GSK3B: variants seen among roughly 807,000 people sequenced by gnomAD.
GSK3B encodes glycogen synthase kinase-3 beta.
GSK3B carries 15 observed loss-of-function variants against 56.4 expected under a neutral mutation model. The observed-to-expected ratio is 0.27, with a 90% CI of 0.18 to 0.41. GSK3B has a LOEUF of 0.41. GSK3B is among the 10% of genes least tolerant of loss of function. GSK3B has a pLI of 1.00. For missense variants in GSK3B, 300 were observed against 513.4 expected, an observed-to-expected ratio of 0.58 and a Z score of 4.02; for synonymous variants, 181 against 188.9, an observed-to-expected ratio of 0.96 and a Z score of 0.34.
intron 8 of GSK3B, among the ~76,000 whole-genome samples, chr3:119,869,148 C>T (rs546296968): frequency 1.2e-4 from 14 of 118,664 alleles, no homozygotes; most frequent in Admixed American, 7.7e-4. Context: ...TGCTTGAACC[C>T]GGGAGGTGGA....
chr3:120,028,831 A>G, intron 1 of GSK3B: 1 of 443,750 alleles, frequency 2.3e-6, no homozygotes, highest in Non-Finnish European at 4.3e-6. Flanking sequence ...GAACTCACTG[A>G]GGCCCTAGCC....
chr3:119,955,991 A>G (rs1271961066), intron 2 of GSK3B, among the ~76,000 whole-genome samples: 1 of 152,108 alleles, frequency 6.6e-6, no homozygotes, highest in African/African-American at 2.4e-5. Flanking sequence ...TTTTAGGAAG[A>G]TTGCTATGAA....
intron 9 of GSK3B, among the ~76,000 whole-genome samples, chr3:119,852,748 C>T (rs368038718): frequency 5.9e-5 from 9 of 152,134 alleles, no homozygotes; most frequent in African/African-American, 2.2e-4. Context: ...AATAATACTG[C>T]TCTTCACCCA....
At chr3:120,033,268 T>C (rs1304004739) in intron 1 of GSK3B, among the ~76,000 whole-genome samples, 2 of 152,220 alleles carry the variant, frequency 1.3e-5, no homozygotes, top group African/African-American at 4.8e-5. Flanking sequence ...TTTGGGTTGT[T>C]TTTCTACTTT....
rs932475476 is a variant in GSK3B at position 120,094,300 on chromosome 3, C to T, written c.-866G>A. The T allele has an allele frequency of 1.7e-5, 4 of 241,564 alleles. No individual in the cohort carries two copies. Among genetic ancestry groups the T allele is most frequent in the African/African-American group, 4.5e-5 (2 of 44,726 alleles). The allele number at this position is 241,564 out of a possible 1,614,324, so 15.0% of individuals were successfully genotyped here. A position where few individuals can be genotyped will look rare whatever the true frequency, so the allele number is the denominator to read the frequency against. On this transcript the variant is annotated 5_prime_UTR_variant, in exon 1 of 11. Coordinates refer to ENST00000264235, the MANE Select transcript of GSK3B (RefSeq NM_001146156.2). Reference sequence around the variant, plus strand: ...GCTCGGTGCCCGCTCAGGAAGTGTCCGCGCTTTGCCCCAGCCCAGAGCCCT... The same window carrying T: ...GCTCGGTGCCCGCTCAGGAAGTGTCTGCGCTTTGCCCCAGCCCAGAGCCCT...
intron 2 of GSK3B, among the ~76,000 whole-genome samples, chr3:119,971,734 C>T (rs2107516037): frequency 6.8e-6 from 1 of 147,574 alleles, no homozygotes; most frequent in East Asian, 2.0e-4. Flanking sequence ...GCCTCAGCCT[C>T]CCAAGTAGCT....
At chr3:119,870,730 A>G (rs887682264) in intron 8 of GSK3B, among the ~76,000 whole-genome samples, 2 of 152,194 alleles carry the variant, frequency 1.3e-5, no homozygotes, top group African/African-American at 4.8e-5. Context: ...AGAACATACT[A>G]TATGTATTTG....
At chr3:119,938,537 C>T (rs978141591) in intron 3 of GSK3B, among the ~76,000 whole-genome samples, 6 of 152,096 alleles carry the variant, frequency 3.9e-5, no homozygotes, top group East Asian at 3.9e-4. Flanking sequence ...AAACCCCACA[C>T]GATCATTTCA....
chr3:119,908,387 C>T (rs953756153), intron 6 of GSK3B, among the ~76,000 whole-genome samples: 1 of 152,274 alleles, frequency 6.6e-6, no homozygotes. Flanking sequence ...AGACAAGGGG[C>T]TGAAATTTGC....
chr3:120,076,667 A>G (rs1251939930), intron 1 of GSK3B, among the ~76,000 whole-genome samples: 1 of 151,570 alleles, frequency 6.6e-6, no homozygotes, highest in East Asian at 1.9e-4. Flanking sequence ...TACAAAAATT[A>G]GCCGGGCATG....
intron 2 of GSK3B, among the ~76,000 whole-genome samples, chr3:119,999,118 TC>T (rs1417970293): frequency 6.6e-6 from 1 of 152,156 alleles, no homozygotes; most frequent in Non-Finnish European, 1.5e-5. Context: ...TTAGGGTATA[TC>T]CACACAATAA....
intron 2 of GSK3B, among the ~76,000 whole-genome samples, chr3:119,996,419 C>T (rs2057618513): frequency 6.6e-6 from 1 of 152,194 alleles, no homozygotes; most frequent in Non-Finnish European, 1.5e-5. Context: ...CAAGCCAAGG[C>T]TTTGGGTGCT....
At chr3:120,057,600 G>A (rs1269171382) in intron 1 of GSK3B, among the ~76,000 whole-genome samples, 1 of 152,096 alleles carries the variant, frequency 6.6e-6, no homozygotes, top group East Asian at 1.9e-4. Context: ...TGGAAAGATA[G>A]ATATATATTA....
At chr3:119,877,214 T>A (rs2056324390) in intron 7 of GSK3B, among the ~76,000 whole-genome samples, 1 of 152,088 alleles carries the variant, frequency 6.6e-6, no homozygotes, top group African/African-American at 2.4e-5. Flanking sequence ...AATAATCACA[T>A]CTGAGAGTAT....
rs775065747 is a variant in GSK3B, at chr3:120,093,473, C to T, written c.-39G>A. 5.4e-6 allele frequency: 7 copies of T among 1,289,410 alleles called. No homozygotes were observed. Among genetic ancestry groups the T allele is most frequent in the South Asian group, 4.7e-5 (4 of 84,554 alleles). 79.9% of individuals were successfully genotyped at this position (1,289,410 alleles called of 1,614,324 possible). A position where few individuals can be genotyped will look rare whatever the true frequency, so the allele number is the denominator to read the frequency against. On this transcript the variant is annotated 5_prime_UTR_variant, in exon 1 of 11. Coordinates refer to ENST00000264235, the MANE Select transcript of GSK3B (RefSeq NM_001146156.2). Reference sequence around the variant, plus strand: ...GCGAATCACCTTTTCCTTCCTTCCTCCTTTTCTTCCTTTTGTCTTTATGTT... The same window carrying T: ...GCGAATCACCTTTTCCTTCCTTCCTTCTTTTCTTCCTTTTGTCTTTATGTT...
rs529404658 is a variant in GSK3B, at chr3:120,040,996, C to G, written c.89-38757G>C. Among the ~76,000 whole-genome samples, 3 of 152,220 alleles carry G rather than the reference C, an allele frequency of 2.0e-5. No individual in the cohort carries two copies. In the East Asian group the frequency reaches 5.8e-4, roughly 30 times the overall value. On this transcript the variant is annotated intron_variant, in intron 1 of 10. Coordinates refer to ENST00000264235, the MANE Select transcript of GSK3B (RefSeq NM_001146156.2). ...TCCATGCACCTAAGTCGCCAGGCAG[C>G]TTTTGTAGGGTGGGCAGCATCAAGG...
intron 9 of GSK3B, among the ~76,000 whole-genome samples, chr3:119,861,526 A>C (rs1330393052): frequency 6.6e-6 from 1 of 151,256 alleles, no homozygotes; most frequent in Non-Finnish European, 1.5e-5. Context: ...AAAAAAAAAC[A>C]AAACAAACAA....
At chr3:120,080,050 T>A (rs2058405035) in intron 1 of GSK3B, among the ~76,000 whole-genome samples, 1 of 152,132 alleles carries the variant, frequency 6.6e-6, no homozygotes, top group African/African-American at 2.4e-5. Context: ...ATCCCAGCAC[T>A]TTGAGAGACC....
intron 3 of GSK3B, among the ~76,000 whole-genome samples, chr3:119,937,863 T>C (rs2057011465): frequency 6.6e-6 from 1 of 151,472 alleles, no homozygotes; most frequent in Non-Finnish European, 1.5e-5. Context: ...TGACAAACCC[T>C]TAAAAGAGTT....
Sources: gnomAD v4.1 joint callset for allele counts (sites outside exome capture counted in the v4.1 genomes callset) on GRCh38, gnomAD v4.1.1 for gene constraint, MANE v1.5 for transcripts, NCBI Gene and HGNC (gene_info 2026-07-23, HGNC 2026-07-21) for gene names.